CMYA5: variants seen among roughly 807,000 people sequenced by gnomAD.
CMYA5 encodes the protein cardiomyopathy-associated protein 5.
CMYA5 carries 246 observed loss-of-function variants against 318.9 expected under a neutral mutation model. The observed-to-expected ratio is 0.77, with a 90% CI of 0.70 to 0.86. The LOEUF (loss-of-function observed/expected upper bound fraction) is 0.86, where lower values mean the gene tolerates loss of function less well. CMYA5 is among the 40% of genes least tolerant of loss of function. The probability of loss-of-function intolerance (pLI) is 0.00; values close to 1 mark genes in which losing one functional copy is unlikely to be tolerated. For missense variants in CMYA5, 4,589 were observed against 4,678.2 expected (o/e 0.98, Z 0.56); for synonymous variants, 1,641 against 1,729.5 (o/e 0.95, Z 1.27).
rs1828025419 is a variant in CMYA5, at chr5:79,735,143, A to G, written c.6378A>G (p.Val2126=). Residue 2126 remains valine (V), a synonymous_variant, in exon 2 of 13, where the codon GTA becomes GTG. Coordinates refer to ENST00000446378, the MANE Select transcript of CMYA5 (RefSeq NM_153610.5). ...ADEGKKPSPE[V]KIPTQRKPIS... is the part of the protein sequence containing the mutation. ...AGGGAAAGAAACCATCACCTGAAGTAAAAATACCCACACAAAGAAAACCCA... is the reference window on the plus strand; with the variant it reads ...AGGGAAAGAAACCATCACCTGAAGTGAAAATACCCACACAAAGAAAACCCA... 2 of 1,613,700 alleles carry G rather than the reference A, an allele frequency of 1.2e-6. No homozygotes were observed. Among genetic ancestry groups the G allele is most frequent in the Non-Finnish European group, 1.7e-6 (2 of 1,179,772 alleles).
chr5:79,760,571 A>AAG (rs978072645), intron 7 of CMYA5, among the ~76,000 whole-genome samples: 25 of 152,036 alleles, frequency 1.6e-4, no homozygotes, highest in African/African-American at 6.0e-4. Flanking sequence ...GCTGGCAGGG[A>AAG]AGAGAGAGAG....
chr5:79,711,251 A>G (rs1827383527), intron 1 of CMYA5, among the ~76,000 whole-genome samples: 1 of 152,194 alleles, frequency 6.6e-6, no homozygotes, highest in African/African-American at 2.4e-5. Flanking sequence ...TGATGGGTCC[A>G]TCAGGTAGGT....
chr5:79,796,048 C>A (rs1173219404), intron 12 of CMYA5, among the ~76,000 whole-genome samples: 1 of 151,904 alleles, frequency 6.6e-6, no homozygotes, highest in African/African-American at 2.4e-5. Flanking sequence ...TCCTGCAGAA[C>A]TGGTGGAGAC....
At chr5:79,763,289 G>A in intron 9 of CMYA5, 80 bp downstream of exon 9, 1 of 1,255,764 alleles carries the variant, frequency 8.0e-7, no homozygotes, top group Non-Finnish European at 1.1e-6. Context: ...TCTAACTTCT[G>A]CTCACCAAGG....
intron 1 of CMYA5, among the ~76,000 whole-genome samples, chr5:79,725,505 G>GTAC (rs1158732280): frequency 3.9e-5 from 6 of 152,118 alleles, no homozygotes; most frequent in African/African-American, 1.2e-4. Flanking sequence ...AACACACTGG[G>GTAC]TACTATGTTC....
At chr5:79,723,779 A>G (rs1827692651) in intron 1 of CMYA5, among the ~76,000 whole-genome samples, 1 of 151,722 alleles carries the variant, frequency 6.6e-6, no homozygotes, top group Non-Finnish European at 1.5e-5. Context: ...AAACAATGAA[A>G]AAAAAAAAAG....
intron 9 of CMYA5, among the ~76,000 whole-genome samples, chr5:79,781,660 C>G (rs1231860): frequency 3.5e-5 from 2 of 57,106 alleles, no homozygotes; most frequent in African/African-American, 1.5e-4. Flanking sequence ...TGTATGTGTC[C>G]AGGAATGTAT....
intron 9 of CMYA5, among the ~76,000 whole-genome samples, chr5:79,769,045 G>C (rs1828808363): frequency 6.6e-6 from 1 of 151,668 alleles, no homozygotes; most frequent in South Asian, 2.1e-4. Flanking sequence ...TGATTAAGTT[G>C]ATCTTCAGTC....
rs1248226024 is a variant in CMYA5 at position 79,735,588 on chromosome 5, T to A, written c.6823T>A (p.Leu2275Ile). The A allele has an allele frequency of 8.1e-6, 13 of 1,613,328 alleles. No individual in the cohort carries two copies. Among genetic ancestry groups the A allele is most frequent in the Non-Finnish European group, 1.1e-5 (13 of 1,179,732 alleles). ...CATGATTTTATCAAATGTAGAAGATTTACAACAGCCAAAATTCATTTCTGA... is the reference window on the plus strand; with the variant it reads ...CATGATTTTATCAAATGTAGAAGATATACAACAGCCAAAATTCATTTCTGA... Reference protein sequence around the residue: ...KSMILSNVEDLQQPKFISEVS... With the variant: ...KSMILSNVEDIQQPKFISEVS... The change falls in exon 2 of 13, where the codon TTA becomes ATA. Residue 2275 changes from leucine to isoleucine, a missense_variant. Leu to Ile is a conservative substitution (Grantham distance 5, BLOSUM62 2). This residue lies in a region of CMYA5 where 2,431 missense variants were observed against 2,495.1 expected (regional missense o/e 0.97). Transcript: ENST00000446378.
intron 6 of CMYA5, 55 bp from the exon 7 acceptor site, chr5:79,758,698 C>G (rs910359553): frequency 4.1e-6 from 6 of 1,446,542 alleles, no homozygotes; most frequent in Non-Finnish European, 5.5e-6. Context: ...GTAACTTGTG[C>G]CCAAAAAATT....
rs1445712939 is a variant in CMYA5, at chr5:79,729,440, A to G, written c.675A>G (p.Val225=). 2 of 1,613,208 alleles carry G rather than the reference A, an allele frequency of 1.2e-6. No individual in the cohort carries two copies. Among genetic ancestry groups the G allele is most frequent in the Non-Finnish European group, 1.7e-6 (2 of 1,179,474 alleles). ...TAAGACCAGTCTACATAGGAACAGT[A>G]CAATATAAAATTAAGATGTTTAATT... The part of the protein sequence containing the change: ...LVLRPVYIGT[V]QYKIKMFNSV... The change falls in exon 2 of 13, where the codon GTA becomes GTG. Residue 225 remains valine, a synonymous_variant. Coordinates refer to ENST00000446378, the MANE Select transcript of CMYA5 (RefSeq NM_153610.5).
intron 1 of CMYA5, among the ~76,000 whole-genome samples, chr5:79,724,035 C>T (rs910775790): frequency 2.6e-5 from 4 of 151,700 alleles, no homozygotes; most frequent in African/African-American, 7.3e-5. Flanking sequence ...ATTTTTTAAT[C>T]GGCCGGGTGT....
At position 79,732,795 on chromosome 5, in the gene CMYA5, A is replaced by G. The variant is rs772023528; in HGVS notation, c.4030A>G (p.Lys1344Glu). 1 of 1,613,662 alleles carries G rather than the reference A, an allele frequency of 6.2e-7. No homozygotes were observed. The highest frequency in any genetic ancestry group is 8.5e-7 in the Non-Finnish European group (1 of 1,179,770). Residue 1344 changes from lysine to glutamate, a missense_variant, in exon 2 of 13, where the codon AAA (lysine) becomes GAA (glutamate). Physicochemically the swap from Lys to Glu is moderately conservative, Grantham distance 56. Transcript: ENST00000446378. ...ATTTTCAGCTTTGTCAGAAGAAATT[A>G]AAAAAGAAATTGAACCCAGTTCCTC... ...LAFSALSEEI[K>E]KEIEPSSSTT...
chr5:79,694,390 G>A (rs1017721916), intron 1 of CMYA5, among the ~76,000 whole-genome samples: 2 of 152,156 alleles, frequency 1.3e-5, no homozygotes, highest in African/African-American at 4.8e-5. Context: ...AAGTAAATAG[G>A]ACTGTTACTT....
chr5:79,787,988 G>T (rs975275014), intron 9 of CMYA5, among the ~76,000 whole-genome samples: 1 of 151,856 alleles, frequency 6.6e-6, no homozygotes, highest in African/African-American at 2.4e-5. Flanking sequence ...TGATGCTTTT[G>T]TGGTATATTC....
intron 5 of CMYA5, among the ~76,000 whole-genome samples, chr5:79,748,437 C>T (rs749986118): frequency 1.4e-4 from 21 of 152,144 alleles, no homozygotes; most frequent in Non-Finnish European, 2.5e-4. Context: ...TTCTCACAGA[C>T]GAGTCTAAGA....
intron 9 of CMYA5, among the ~76,000 whole-genome samples, chr5:79,771,410 C>G (rs958393188): frequency 6.6e-6 from 1 of 152,132 alleles, no homozygotes; most frequent in Admixed American, 6.6e-5. Context: ...GTAAGGAAAA[C>G]CCAGCTCTTT....
chr5:79,736,210 C>T lies in CMYA5; in HGVS notation c.7445C>T (p.Pro2482Leu). ...VLAEKQNSVA[P>L]LELRDSNEIG... ...GCAGAAAAACAAAACTCTGTGGCCC[C>T]ATTAGAGCTTAGAGATAGTAATGAA... is the stretch of plus-strand genomic sequence containing the variant. Residue 2482 changes from proline (P) to leucine (L), a missense_variant, in exon 2 of 13, where the codon CCA (proline) becomes CTA (leucine). Pro to Leu is a moderately conservative substitution (Grantham distance 98). Transcript: ENST00000446378. The T allele has an allele frequency of 6.2e-7, 1 of 1,613,612 alleles. No individual in the cohort carries two copies.
In CMYA5 at chr5:79,758,767, A is replaced by G; in HGVS notation, c.11125A>G (p.Arg3709Gly). ...TTATATTCCAGTTCCACAGCCTCCTAGATTAGAACCTCAGGAACCAAATTC... is the reference window on the plus strand; with the variant it reads ...TTATATTCCAGTTCCACAGCCTCCTGGATTAGAACCTCAGGAACCAAATTC... The part of the protein sequence containing the change: ...LKQVAVPQPP[R>G]LEPQEPNSAT... Residue 3709 changes from arginine to glycine, a missense_variant, in exon 7 of 13, where the codon AGA becomes GGA. By Grantham distance (125) the Arg-to-Gly change is moderately radical. Transcript: ENST00000446378. 6.2e-7 allele frequency: 1 copy of G among 1,605,482 alleles called. No individual in the cohort carries two copies. The highest frequency in any genetic ancestry group is 8.5e-7 in the Non-Finnish European group (1 of 1,176,338).
Sources: allele counts gnomAD v4.1 joint callset (sites outside exome capture counted in the v4.1 genomes callset), GRCh38; gene constraint gnomAD v4.1.1; regional missense constraint gnomAD v4.1.1; transcripts MANE v1.5; gene names NCBI Gene and HGNC (gene_info 2026-07-23, HGNC 2026-07-21).